Variants in ABRAXAS2 observed in about 807,000 individuals in gnomAD.
ABRAXAS2 encodes the protein BRISC complex subunit Abraxas 2.
Under a neutral mutation model 49.0 loss-of-function variants are expected in ABRAXAS2, and 23 were observed. The observed-to-expected ratio is 0.47, with a 90% CI of 0.34 to 0.66. The LOEUF is 0.66. Among genes scored for constraint, ABRAXAS2 ranks in the 30% least tolerant of loss-of-function variants. ABRAXAS2 has a pLI of 0.01. For missense variants in ABRAXAS2, 443 were observed against 511.9 expected (o/e 0.87, Z 1.30); for synonymous variants, 168 against 180.2 (o/e 0.93, Z 0.54).
chr10:124,807,416 G>C (rs1009851460), intron 2 of ABRAXAS2, among the ~76,000 whole-genome samples: 21 of 152,050 alleles, frequency 1.4e-4, no homozygotes, highest in African/African-American at 5.1e-4. Context: ...ACTTTGGGAG[G>C]CTGAGGCAGG....
intron 4 of ABRAXAS2, among the ~76,000 whole-genome samples, chr10:124,820,918 A>G (rs1196253895): frequency 6.6e-6 from 1 of 151,846 alleles, no homozygotes; most frequent in Non-Finnish European, 1.5e-5. Context: ...TTTTATTTGT[A>G]TTTATTTATT....
In ABRAXAS2 at chr10:124,807,937, G is replaced by A. The variant is rs536511321; in HGVS notation, c.163+1016G>A. On this transcript the variant is annotated intron_variant, in intron 2 of 8. Coordinates refer to ENST00000298492, the MANE Select transcript of ABRAXAS2 (RefSeq NM_032182.4). ...CAAGGATATTTACATTTGTTTACAT[G>A]GGATATTTACTAAACCTATACAGCC... 8.5e-5 allele frequency among the ~76,000 whole-genome samples: 13 copies of A among 152,246 alleles called. No homozygotes were observed. The South Asian group carries it at 2.7e-3, about 32-fold the overall frequency.
intron 2 of ABRAXAS2, among the ~76,000 whole-genome samples, chr10:124,811,063 C>CA (rs1167189152): frequency 6.6e-6 from 1 of 150,488 alleles, no homozygotes; most frequent in African/African-American, 2.4e-5. Context: ...ACTAAAAATA[C>CA]AAAAAATTAG....
chr10:124,835,359 A>G lies in ABRAXAS2; in HGVS notation c.*388A>G, dbSNP rs546580991. On this transcript the variant is annotated 3_prime_UTR_variant, in exon 9 of 9. Coordinates refer to ENST00000298492, the MANE Select transcript of ABRAXAS2 (RefSeq NM_032182.4). ...TACCTCTTGCACTATCATGCCTTGA[A>G]ATTTACTTTTTCAAAGGGAAACAAG... The G allele has an allele frequency of 6.4e-6, 1 of 156,278 alleles. No individual in the cohort carries two copies. The highest frequency in any genetic ancestry group is 1.9e-4 in the East Asian group (1 of 5,294). 9.7% of individuals were successfully genotyped at this position (156,278 alleles called of 1,614,324 possible).
chr10:124,828,728 A>C (rs1250709815), intron 5 of ABRAXAS2, 28 bp from the exon 6 acceptor site: 11 of 1,608,968 alleles, frequency 6.8e-6, no homozygotes, highest in Non-Finnish European at 9.3e-6. Context: ...GGTACATTTA[A>C]CATGATCTCT....
intron 4 of ABRAXAS2, 27 bp downstream of exon 4, chr10:124,819,477 A>T (rs1041095675): frequency 2.4e-5 from 38 of 1,601,070 alleles, no homozygotes; most frequent in Non-Finnish European, 3.1e-5. Context: ...GCCCAGTATG[A>T]TTCTGAAATC....
In ABRAXAS2 at chr10:124,834,771, A is replaced by G. The variant is rs764930863; in HGVS notation, c.1048A>G (p.Lys350Glu). ...TTATGCTTCCACCAGTGCCGGACTG[A>G]AGTATCCTGGAAGTGGGGCTGACCT... The part of the protein sequence containing the change: ...SNYASTSAGL[K>E]YPGSGADLPP... Residue 350 changes from lysine to glutamate, a missense_variant, in exon 9 of 9, where the codon AAG becomes GAG. By Grantham distance (56) the Lys-to-Glu change is moderately conservative (BLOSUM62 1). Transcript: ENST00000298492. 28 of 1,614,006 alleles carry G rather than the reference A, an allele frequency of 1.7e-5. No individual in the cohort carries two copies. Among genetic ancestry groups the G allele is most frequent in the Non-Finnish European group, 2.4e-5 (28 of 1,180,042 alleles).
chr10:124,814,572 C>G (rs1950811607), intron 2 of ABRAXAS2, among the ~76,000 whole-genome samples: 1 of 152,156 alleles, frequency 6.6e-6, no homozygotes, highest in Non-Finnish European at 1.5e-5. Context: ...AACCCCTAAC[C>G]TCAGGTGATC....
chr10:124,823,726 C>T lies in ABRAXAS2; in HGVS notation c.268-2869C>T, dbSNP rs567728992. On this transcript the variant is annotated intron_variant, in intron 4 of 8. Transcript: ENST00000298492. The stretch of plus-strand genomic sequence containing the variant: ...GAGACAAGGTTTTAGGGAAAGATAT[C>T]CATAATTCTTCATCATGTCCCAAAT... Among the ~76,000 whole-genome samples the T allele has an allele frequency of 6.8e-4, 104 of 152,262 alleles. 3 individuals are homozygous for T. In the South Asian group the frequency reaches 0.021, roughly 30 times the overall value.
At chr10:124,817,976 A>G (rs1295566722) in intron 3 of ABRAXAS2, among the ~76,000 whole-genome samples, 1 of 152,198 alleles carries the variant, frequency 6.6e-6, no homozygotes, top group East Asian at 1.9e-4. Context: ...TGTCTGGTCT[A>G]CGAAGGTGTC....
At chr10:124,810,682 G>A (rs1193313791) in intron 2 of ABRAXAS2, among the ~76,000 whole-genome samples, 1 of 150,788 alleles carries the variant, frequency 6.6e-6, no homozygotes, top group African/African-American at 2.4e-5. Flanking sequence ...TCCTGGGTTC[G>A]AGTGATTGTC....
At chr10:124,814,282 G>A (rs1398308643) in intron 2 of ABRAXAS2, among the ~76,000 whole-genome samples, 2 of 151,480 alleles carry the variant, frequency 1.3e-5, no homozygotes, top group East Asian at 2.0e-4. Flanking sequence ...GAGCCACCAC[G>A]CCCGGCCTCT....
chr10:124,809,370 C>T (rs1351237936), intron 2 of ABRAXAS2, among the ~76,000 whole-genome samples: 7 of 151,800 alleles, frequency 4.6e-5, no homozygotes, highest in Non-Finnish European at 8.8e-5. Flanking sequence ...CTGCAACCTC[C>T]GCATCCCGGG....
intron 2 of ABRAXAS2, among the ~76,000 whole-genome samples, chr10:124,814,104 G>A (rs1458593228): frequency 1.3e-5 from 2 of 151,534 alleles, no homozygotes; most frequent in East Asian, 3.9e-4. Context: ...CGGTTCTCCT[G>A]CCTCAGTCCC....
chr10:124,802,661 G>A (rs754664671), intron 1 of ABRAXAS2, among the ~76,000 whole-genome samples: 2 of 152,146 alleles, frequency 1.3e-5, no homozygotes, highest in Non-Finnish European at 2.9e-5. Flanking sequence ...GCCTCTGATT[G>A]GAAATGCTTT....
chr10:124,806,143 CA>C (rs560321717), intron 1 of ABRAXAS2, among the ~76,000 whole-genome samples: 298 of 139,736 alleles, frequency 2.1e-3, no homozygotes, highest in East Asian at 5.0e-3. Flanking sequence ...TACTAAAATA[CA>C]AAAAAAAAAA....
intron 8 of ABRAXAS2, among the ~76,000 whole-genome samples, chr10:124,833,361 AG>A (rs1950947734): frequency 2.7e-5 from 4 of 150,338 alleles, no homozygotes; most frequent in Admixed American, 2.6e-4. Context: ...GCTTCTTGGG[AG>A]GCTGAGGTGG....
At chr10:124,815,421 C>T (rs1043356611) in intron 2 of ABRAXAS2, among the ~76,000 whole-genome samples, 2 of 152,068 alleles carry the variant, frequency 1.3e-5, no homozygotes, top group African/African-American at 2.4e-5. Flanking sequence ...GTCTCGATCT[C>T]CTGACCTCGC....
chr10:124,812,967 C>T (rs1443828446), intron 2 of ABRAXAS2, among the ~76,000 whole-genome samples: 1 of 152,050 alleles, frequency 6.6e-6, no homozygotes, highest in African/African-American at 2.4e-5. Context: ...TTTGGGAGGC[C>T]AAGGCAGGCA....
Sources: allele counts gnomAD v4.1 joint callset (sites outside exome capture counted in the v4.1 genomes callset), GRCh38; gene constraint gnomAD v4.1.1; transcripts MANE v1.5; gene names NCBI Gene and HGNC (gene_info 2026-07-23, HGNC 2026-07-21).